SYNJ2: variants seen among roughly 807,000 people sequenced by gnomAD.
The protein encoded by SYNJ2 is polyphosphatidylinositol phosphatase SYNJ2.
SYNJ2 carries 116 observed loss-of-function variants against 141.3 expected under a neutral mutation model. That is an observed-to-expected ratio of 0.82 (90% CI 0.71 to 0.96). SYNJ2 has a LOEUF of 0.96. Among genes scored for constraint, SYNJ2 ranks in the 40% least tolerant of loss-of-function variants. The pLI is 0.00. For missense variants in SYNJ2, 1,873 were observed against 1,934.8 expected, an observed-to-expected ratio of 0.97 and a Z score of 0.60; for synonymous variants, 745 against 777.7, an observed-to-expected ratio of 0.96 and a Z score of 0.70.
chr6:158,008,293 A>G (rs1169827117), intron 1 of SYNJ2, among the ~76,000 whole-genome samples: 2 of 152,200 alleles, frequency 1.3e-5, no homozygotes, highest in Non-Finnish European at 2.9e-5. Flanking sequence ...TTTTTAAAAG[A>G]GCTCTTATCT....
rs34645890 is a variant in SYNJ2, at chr6:158,040,533, T to TAA, written c.712-2772_712-2771dup. On this transcript the variant is annotated intron_variant, in intron 4 of 26. Transcript: ENST00000355585. The surrounding 1 kb of genome is among the most constrained non-coding windows in gnomAD (Gnocchi z 4.2). Reference sequence around the variant, plus strand: ...AGACCAAAAAGTCCCCTCAGTCTATTAAAAAAAAAAAAGGATGTAAGATAA... The same window carrying TAA: ...AGACCAAAAAGTCCCCTCAGTCTATTAAAAAAAAAAAAAAGGATGTAAGATAA... Among the ~76,000 whole-genome samples, 50 of 143,248 alleles carry TAA rather than the reference T, an allele frequency of 3.5e-4. No individual in the cohort carries two copies. Among genetic ancestry groups the TAA allele is most frequent in the African/African-American group, 1.2e-3 (46 of 39,524 alleles). 94.0% of individuals were successfully genotyped at this position (143,248 alleles called of 152,430 possible). A position where few individuals can be genotyped will look rare whatever the true frequency, so the allele number is the denominator to read the frequency against.
intron 15 of SYNJ2, among the ~76,000 whole-genome samples, chr6:158,072,963 C>T (rs534347733): frequency 2.0e-5 from 3 of 151,338 alleles, no homozygotes; most frequent in Admixed American, 1.3e-4. Flanking sequence ...ATCCCAGCTA[C>T]TCAGGAGGCT....
chr6:158,011,995 G>C (rs1454878808), intron 1 of SYNJ2, among the ~76,000 whole-genome samples: 1 of 152,160 alleles, frequency 6.6e-6, no homozygotes, highest in South Asian at 2.1e-4. Context: ...CCTCTCTGCA[G>C]CCCTGTCTGC....
At chr6:158,091,928 G>A (rs1264738441) in intron 25 of SYNJ2, among the ~76,000 whole-genome samples, 2 of 152,036 alleles carry the variant, frequency 1.3e-5, no homozygotes, top group African/African-American at 4.8e-5. Context: ...TGCTTTCCAG[G>A]GACTGGAAGG....
intron 1 of SYNJ2, among the ~76,000 whole-genome samples, chr6:158,003,106 T>C (rs998231762): frequency 6.6e-6 from 1 of 152,188 alleles, no homozygotes; most frequent in Non-Finnish European, 1.5e-5. Context: ...CAAACTTTCT[T>C]GTATTTTCTC....
At chr6:157,984,947 GC>G (rs137894723) in intron 1 of SYNJ2, among the ~76,000 whole-genome samples, 5,458 of 152,250 alleles carry the variant, frequency 0.036, 131 homozygotes, top group Non-Finnish European at 0.042. Context: ...GTCTTTCCCG[GC>G]CCCTGAGTCA....
At chr6:158,061,813 C>T (rs1562369249) in intron 7 of SYNJ2, among the ~76,000 whole-genome samples, 179 bp from the exon 8 acceptor site, 1 of 152,216 alleles carries the variant, frequency 6.6e-6, no homozygotes, top group African/African-American at 2.4e-5. Flanking sequence ...CCCCCCAGGG[C>T]CTTTGTCCTG....
At chr6:158,074,839 ATTTCACTG>A in intron 16 of SYNJ2, 101 bp downstream of exon 16, 1 of 1,364,796 alleles carries the variant, frequency 7.3e-7, no homozygotes, top group Non-Finnish European at 1.0e-6. Flanking sequence ...CCGTGAGTGG[ATTTCACTG>A]TTTCCAACAT....
At chr6:158,053,462 C>G (rs974344033) in intron 5 of SYNJ2, among the ~76,000 whole-genome samples, 1 of 152,120 alleles carries the variant, frequency 6.6e-6, no homozygotes, top group Admixed American at 6.5e-5. Flanking sequence ...AAATTTATTA[C>G]TTGGTATTCT....
intron 3 of SYNJ2, chr6:158,030,875 A>G (rs950850455): frequency 6.6e-6 from 1 of 152,278 alleles, no homozygotes; most frequent in Non-Finnish European, 1.5e-5. Flanking sequence ...AGCCTGGGCT[A>G]CAGGGTGAGA....
intron 1 of SYNJ2, among the ~76,000 whole-genome samples, chr6:157,988,148 G>T (rs529549113): frequency 6.6e-5 from 10 of 152,256 alleles, no homozygotes; most frequent in African/African-American, 2.2e-4. Context: ...CTGTGCAGCC[G>T]TATGTCCACC....
chr6:158,028,538 T>C (rs1309336100), intron 2 of SYNJ2: 11 of 603,184 alleles, frequency 1.8e-5, no homozygotes, highest in Non-Finnish European at 3.2e-5. Context: ...GATGCTGACT[T>C]GCTGGCCAGG....
chr6:157,981,888 C>G lies in SYNJ2; in HGVS notation c.-74C>G. On this transcript the variant is annotated 5_prime_UTR_variant, in exon 1 of 27. Coordinates refer to ENST00000355585, the MANE Select transcript of SYNJ2 (RefSeq NM_003898.4). The surrounding 1 kb of genome is among the most constrained non-coding windows in gnomAD (Gnocchi z 6.4). The stretch of plus-strand genomic sequence containing the variant: ...GAAACTCTGGCAAGTTGCGGGCGCG[C>G]GGGGAGCTGTCGCGGGCAGCGCGCC... The G allele has an allele frequency of 8.4e-7, 1 of 1,192,744 alleles. No homozygotes were observed. Among genetic ancestry groups the G allele is most frequent in the Non-Finnish European group, 1.0e-6 (1 of 955,396 alleles). 73.9% of individuals were successfully genotyped at this position (1,192,744 alleles called of 1,614,324 possible).
chr6:158,012,170 G>T (rs921179987), intron 1 of SYNJ2, among the ~76,000 whole-genome samples: 1 of 152,272 alleles, frequency 6.6e-6, no homozygotes, highest in Admixed American at 6.5e-5. Flanking sequence ...CAGATGCTGG[G>T]GGAGAGGATG....
Position 158,081,340 on chromosome 6 carries a change from C to G in SYNJ2, c.2786+13C>G, listed in dbSNP as rs751959631. 34 of 1,613,940 alleles carry G rather than the reference C, an allele frequency of 2.1e-5. No homozygotes were observed. The Admixed American group carries it at 5.7e-4, about 27-fold the overall frequency. On this transcript the variant is annotated intron_variant, in intron 19 of 26. Transcript: ENST00000355585. ...TTGTTCTTGTCAGGTAACTGCTCCC[C>G]TGGCTGATGTGGGTTCCAGGGGATG...
At chr6:158,075,105 T>C (rs1282966921) in intron 16 of SYNJ2, among the ~76,000 whole-genome samples, 3 of 151,998 alleles carry the variant, frequency 2.0e-5, no homozygotes, top group Non-Finnish European at 4.4e-5. Context: ...CTAATTTTTG[T>C]ATTTTTAGTA....
At chr6:158,054,425 C>A (rs540424178) in intron 5 of SYNJ2, among the ~76,000 whole-genome samples, 2 of 152,180 alleles carry the variant, frequency 1.3e-5, no homozygotes, top group Non-Finnish European at 2.9e-5. Flanking sequence ...CAGATTTGGC[C>A]AGCAAAAGCC....
At chr6:158,048,422 G>A (rs1271479529) in intron 5 of SYNJ2, among the ~76,000 whole-genome samples, 1 of 152,190 alleles carries the variant, frequency 6.6e-6, no homozygotes, top group Non-Finnish European at 1.5e-5. Flanking sequence ...GGGAATGGGA[G>A]GAGAGATAGG....
intron 7 of SYNJ2, among the ~76,000 whole-genome samples, chr6:158,060,356 C>T (rs1332274312): frequency 6.6e-6 from 1 of 152,214 alleles, no homozygotes; most frequent in African/African-American, 2.4e-5. Context: ...GCCCCCTGCT[C>T]CCCAGGCGCA....
Sources: allele counts gnomAD v4.1 joint callset (sites outside exome capture counted in the v4.1 genomes callset), GRCh38; gene constraint gnomAD v4.1.1; non-coding constraint Gnocchi (gnomAD v3.1); transcripts MANE v1.5; gene names NCBI Gene and HGNC (gene_info 2026-07-23, HGNC 2026-07-21).